Variants in WWOX observed in about 807,000 individuals in gnomAD.
WWOX encodes the protein WW domain-containing oxidoreductase.
Under a neutral mutation model 46.2 loss-of-function variants are expected in WWOX, and 69 were observed. That is an observed-to-expected ratio of 1.49 (90% confidence interval 1.23 to 1.82). The LOEUF (loss-of-function observed/expected upper bound fraction) is 1.82. Ranked by LOEUF, WWOX falls within the 40% of genes most tolerant of loss-of-function variation. WWOX has a pLI of 0.00. For synonymous variants in WWOX, 359 were observed against 202.6 expected, an observed-to-expected ratio of 1.77 and a Z score of -6.56; for missense variants, 919 against 542.6, an observed-to-expected ratio of 1.69 and a Z score of -6.89.
At chr16:78,648,756 G>C (rs116836036) in intron 8 of WWOX, among the ~76,000 whole-genome samples, 73 of 152,212 alleles carry the variant, frequency 4.8e-4, no homozygotes, top group African/African-American at 1.7e-3. Flanking sequence ...TAACCATAAA[G>C]CTTTCTTTCT....
At chr16:79,027,980 G>A (rs1442081154) in intron 8 of WWOX, among the ~76,000 whole-genome samples, 1 of 151,650 alleles carries the variant, frequency 6.6e-6, no homozygotes, top group African/African-American at 2.4e-5. Context: ...GAGACGGAGT[G>A]TCGCTCTGTC....
chr16:78,166,547 T>C (rs557433755), intron 5 of WWOX, among the ~76,000 whole-genome samples: 7 of 151,694 alleles, frequency 4.6e-5, no homozygotes, highest in Non-Finnish European at 7.4e-5. Context: ...TCTTTTTTCT[T>C]TTTTTTCTTT....
At chr16:78,844,155 C>T (rs927509389) in intron 8 of WWOX, among the ~76,000 whole-genome samples, 1 of 152,110 alleles carries the variant, frequency 6.6e-6, no homozygotes, top group Non-Finnish European at 1.5e-5. Context: ...TTTATTTAGC[C>T]AAGTAAAACT....
intron 8 of WWOX, among the ~76,000 whole-genome samples, chr16:79,140,203 C>G (rs557003381): frequency 1.3e-5 from 2 of 152,316 alleles, no homozygotes; most frequent in South Asian, 4.1e-4. Flanking sequence ...CGTTAACATT[C>G]TAACTCGTGG....
chr16:79,197,030 T>C (rs2051254211), intron 8 of WWOX, among the ~76,000 whole-genome samples: 1 of 152,152 alleles, frequency 6.6e-6, no homozygotes, highest in Non-Finnish European at 1.5e-5. Flanking sequence ...TCTAGAATGA[T>C]ATTTAGGGCT....
At chr16:79,088,367 G>C (rs1044607127) in intron 8 of WWOX, among the ~76,000 whole-genome samples, 4 of 152,284 alleles carry the variant, frequency 2.6e-5, no homozygotes, top group Admixed American at 2.6e-4. Flanking sequence ...TGCAGCTGGA[G>C]TTGCTCCCCT....
At chr16:78,720,669 A>G (rs1279499214) in intron 8 of WWOX, among the ~76,000 whole-genome samples, 2 of 152,110 alleles carry the variant, frequency 1.3e-5, no homozygotes, top group Admixed American at 6.5e-5. Context: ...CTCTGACTAT[A>G]TAACAGAAAA....
chr16:78,685,279 G>C (rs1343431361), intron 8 of WWOX, among the ~76,000 whole-genome samples: 1 of 152,158 alleles, frequency 6.6e-6, no homozygotes, highest in Non-Finnish European at 1.5e-5. Flanking sequence ...AATGACTCAA[G>C]TGATGAGGCC....
At chr16:78,332,470 A>G (rs1176672870) in intron 5 of WWOX, among the ~76,000 whole-genome samples, 2 of 152,202 alleles carry the variant, frequency 1.3e-5, no homozygotes, top group African/African-American at 4.8e-5. Context: ...CTAACAAGGT[A>G]AAAGAAGGAT....
At chr16:78,182,619 G>A (rs1158563844) in intron 5 of WWOX, among the ~76,000 whole-genome samples, 1 of 151,814 alleles carries the variant, frequency 6.6e-6, no homozygotes, top group African/African-American at 2.4e-5. Context: ...TCTGGGTCAG[G>A]TAGAGCACTG....
chr16:78,114,680 A>T (rs1367333269), intron 3 of WWOX, among the ~76,000 whole-genome samples: 2 of 152,102 alleles, frequency 1.3e-5, no homozygotes, highest in Admixed American at 1.3e-4. Context: ...AAAAGCCCAA[A>T]ACCTTCTCAA....
At chr16:79,115,017 G>A (rs1342835067) in intron 8 of WWOX, among the ~76,000 whole-genome samples, 1 of 152,198 alleles carries the variant, frequency 6.6e-6, no homozygotes, top group Non-Finnish European at 1.5e-5. Flanking sequence ...TGCTTTCCCA[G>A]CAAAGCCAAG....
chr16:78,174,456 G>A (rs918099372), intron 5 of WWOX, among the ~76,000 whole-genome samples: 11 of 151,574 alleles, frequency 7.3e-5, no homozygotes, highest in African/African-American at 2.7e-4. Flanking sequence ...ATTTCGGTGG[G>A]GCGCAGCCAA....
chr16:78,901,696 C>T (rs916561837), intron 8 of WWOX, among the ~76,000 whole-genome samples: 1 of 152,136 alleles, frequency 6.6e-6, no homozygotes, highest in African/African-American at 2.4e-5. Flanking sequence ...TTCATGTTGC[C>T]CAGGCTGGTC....
chr16:78,618,976 T>G (rs1364422743), intron 8 of WWOX, among the ~76,000 whole-genome samples: 2 of 149,356 alleles, frequency 1.3e-5, no homozygotes, highest in African/African-American at 2.5e-5. Context: ...TACTGAAATT[T>G]CTGGGCAAAG....
intron 8 of WWOX, among the ~76,000 whole-genome samples, chr16:79,055,824 C>T (rs2048251563): frequency 6.6e-6 from 1 of 152,176 alleles, no homozygotes; most frequent in Non-Finnish European, 1.5e-5. Context: ...CAAAGTGAGT[C>T]AGACTTCTTA....
At chr16:78,616,475 C>T (rs1395860490) in intron 8 of WWOX, among the ~76,000 whole-genome samples, 1 of 150,840 alleles carries the variant, frequency 6.6e-6, no homozygotes, top group African/African-American at 2.4e-5. Flanking sequence ...TAAAAGGGCA[C>T]TAATGGCCAG....
intron 8 of WWOX, among the ~76,000 whole-genome samples, chr16:78,503,242 TC>T (rs1209734180): frequency 6.6e-6 from 1 of 152,136 alleles, no homozygotes; most frequent in Non-Finnish European, 1.5e-5. Context: ...GATGGAGTCT[TC>T]CATCCGCTGG....
intron 8 of WWOX, among the ~76,000 whole-genome samples, chr16:78,505,268 G>C (rs930431739): frequency 3.3e-5 from 5 of 152,120 alleles, no homozygotes; most frequent in African/African-American, 1.2e-4. Context: ...GTTCTTTTCT[G>C]TTTATATTAT....
Sources: gnomAD v4.1 joint callset for allele counts (sites outside exome capture counted in the v4.1 genomes callset) on GRCh38, gnomAD v4.1.1 for gene constraint, MANE v1.5 for transcripts, NCBI Gene and HGNC (gene_info 2026-07-23, HGNC 2026-07-21) for gene names.